SYTL2: variants seen among roughly 807,000 people sequenced by gnomAD.
SYTL2 encodes the protein synaptotagmin like 2.
A neutral mutation model predicts 198.7 loss-of-function variants in SYTL2; 165 were observed. The ratio of observed to expected loss-of-function variants is 0.83; its 90% CI spans 0.73 to 0.94. SYTL2 has a LOEUF of 0.94. Ranked by LOEUF, SYTL2 falls within the 40% of genes least tolerant of loss-of-function variation. The pLI, the probability that SYTL2 is intolerant of heterozygous loss-of-function variation, is 0.00. For missense variants in SYTL2, 2,835 were observed against 2,582.8 expected, an observed-to-expected ratio of 1.10 and a Z score of -2.12; for synonymous variants, 966 against 917.7, an observed-to-expected ratio of 1.05 and a Z score of -0.95.
chr11:85,696,187 T>C lies in SYTL2; in HGVS notation c.6570A>G (p.Gly2190=). 1 of 1,614,040 alleles carries C rather than the reference T, an allele frequency of 6.2e-7. No individual in the cohort carries two copies. The highest frequency in any genetic ancestry group is 1.1e-5 in the South Asian group (1 of 91,080). Residue 2190 remains glycine (G), a synonymous_variant, in exon 19 of 20, where the codon GGA becomes GGG. Coordinates refer to ENST00000359152, the MANE Select transcript of SYTL2 (RefSeq NM_206927.4). ...TAAAAATGTAGCAAACAGTACCTGT[T>C]CCAAAGCCAATACGAAGACCTCCCA... ...QFLGGLRIGF[G]TGKSYGTEVD...
chr11:85,759,075 T>A (rs1255186969), intron 1 of SYTL2, among the ~76,000 whole-genome samples: 3 of 151,594 alleles, frequency 2.0e-5, no homozygotes, highest in African/African-American at 7.3e-5. Flanking sequence ...TGAAACCCCG[T>A]CTCTACTAAA....
intron 14 of SYTL2, among the ~76,000 whole-genome samples, chr11:85,708,800 G>T (rs2085679710): frequency 7.0e-6 from 1 of 142,728 alleles, no homozygotes; most frequent in African/African-American, 2.6e-5. Flanking sequence ...GACCCCAAAG[G>T]TTCTTTCCAA....
chr11:85,782,135 T>A (rs1282176938), intron 1 of SYTL2, among the ~76,000 whole-genome samples: 1 of 152,176 alleles, frequency 6.6e-6, no homozygotes, highest in Admixed American at 6.5e-5. Flanking sequence ...TTTCCACACA[T>A]CCTCTGAAAT....
At chr11:85,833,034 A>G in the SYTL2 span, among the ~76,000 whole-genome samples, 17 of 19,990 alleles carry the variant, frequency 8.5e-4, 2 homozygotes, top group Non-Finnish European at 1.3e-3. Context: ...AAAGAAAGAA[A>G]GAAAGAAAGA....
rs184140218 is a variant in SYTL2, at chr11:85,764,778, A to C, written c.-389-6664T>G. On this transcript the variant is annotated intron_variant, in intron 1 of 19. Coordinates refer to ENST00000359152, the MANE Select transcript of SYTL2 (RefSeq NM_206927.4). ...GGAAAAGAGGATATGCATGAGATAG[A>C]GGGGAAAAAAGGCATCTGTGTCAAC... Among the ~76,000 whole-genome samples the C allele has an allele frequency of 3.3e-3, 496 of 152,330 alleles. 5 individuals are homozygous for C. The highest frequency in any genetic ancestry group is 0.01 in the Middle Eastern group (3 of 294).
intron 1 of SYTL2, among the ~76,000 whole-genome samples, chr11:85,762,227 C>G (rs1032649700): frequency 6.6e-6 from 1 of 152,202 alleles, no homozygotes; most frequent in African/African-American, 2.4e-5. Flanking sequence ...CGGGGGCAAC[C>G]TCAGTGCTAA....
At chr11:85,827,912 T>G in the SYTL2 span, among the ~76,000 whole-genome samples, 9 of 152,344 alleles carry the variant, frequency 5.9e-5, no homozygotes, top group South Asian at 4.1e-4. Flanking sequence ...AAAAAGTTGC[T>G]AGGCAACCTC....
chr11:85,753,760 CT>C (rs59239775), intron 2 of SYTL2, among the ~76,000 whole-genome samples: 8,099 of 115,904 alleles, frequency 0.07, 774 homozygotes, highest in African/African-American at 0.18. Context: ...GAGAAACTCT[CT>C]TTTTTAAAAA....
chr11:85,728,521 A>G (rs1565936675), intron 7 of SYTL2, among the ~76,000 whole-genome samples: 1 of 152,040 alleles, frequency 6.6e-6, no homozygotes, highest in African/African-American at 2.4e-5. Flanking sequence ...TCCTGACCTC[A>G]TGATCCACTC....
intron 1 of SYTL2, among the ~76,000 whole-genome samples, chr11:85,804,695 G>C (rs2092934640): frequency 6.6e-6 from 1 of 152,122 alleles, no homozygotes; most frequent in Non-Finnish European, 1.5e-5. Context: ...GAAGCAATTA[G>C]ACGTGATATA....
At chr11:85,774,626 T>C (rs1381012957) in intron 1 of SYTL2, among the ~76,000 whole-genome samples, 1 of 152,196 alleles carries the variant, frequency 6.6e-6, no homozygotes, top group African/African-American at 2.4e-5. Context: ...ATTTTTTACG[T>C]GATCCCAATT....
intron 11 of SYTL2, chr11:85,716,320 G>C (rs1202106827): frequency 6.6e-6 from 1 of 152,190 alleles, no homozygotes; most frequent in Non-Finnish European, 1.5e-5. Flanking sequence ...TTCATCTGCA[G>C]TAGTCAGACA....
chr11:85,842,372 C>A, the SYTL2 span, among the ~76,000 whole-genome samples: 3 of 152,218 alleles, frequency 2.0e-5, no homozygotes, highest in Admixed American at 2.0e-4. Context: ...TCAGGACCAT[C>A]CTCAACTGAT....
the SYTL2 span, among the ~76,000 whole-genome samples, chr11:85,852,189 T>C: frequency 2.6e-5 from 4 of 152,228 alleles, no homozygotes; most frequent in Non-Finnish European, 4.4e-5. Flanking sequence ...AATCCATTTT[T>C]TAAAAAACAA....
chr11:85,734,094 G>T lies in SYTL2; in HGVS notation c.1235C>A (p.Thr412Asn), dbSNP rs1490422806. ...VSKSETHQPM[T>N]SGSFPINGLH... is the part of the protein sequence containing the mutation. The stretch of plus-strand genomic sequence containing the variant: ...CCCATTAATTGGAAAAGAACCAGAA[G>T]TCATTGGCTGATGTGTTTCACTTTT... Residue 412 changes from threonine (T) to asparagine (N), a missense_variant, in exon 7 of 20, where the codon ACT becomes AAT. Physicochemically the swap from Thr to Asn is moderately conservative, Grantham distance 65 (BLOSUM62 0). This residue lies in a region of SYTL2 where 2,645 missense variants were observed against 2,381.7 expected (regional missense o/e 1.11). Coordinates refer to ENST00000359152, the MANE Select transcript of SYTL2 (RefSeq NM_206927.4). 6.2e-7 allele frequency: 1 copy of T among 1,614,178 alleles called. No homozygotes were observed. Among genetic ancestry groups the T allele is most frequent in the Non-Finnish European group, 8.5e-7 (1 of 1,180,022 alleles).
chr11:85,757,664 C>T lies in SYTL2; in HGVS notation c.62G>A (p.Arg21Gln), dbSNP rs750890771. The T allele has an allele frequency of 1.7e-5, 28 of 1,613,832 alleles. No individual in the cohort carries two copies. Among genetic ancestry groups the T allele is most frequent in the South Asian group, 8.8e-5 (8 of 91,086 alleles). ...EQEAIMKVLQ[R>Q]DAALKRAEEE... is the part of the protein sequence containing the mutation. ...TTCGGCCCTCTTCAGAGCAGCATCC[C>T]GCTGCAAAACCTTCATGATGGCCTC... The change falls in exon 2 of 20, where the codon CGG (arginine) becomes CAG (glutamine). Residue 21 changes from arginine (R) to glutamine (Q), a missense_variant. Transcript: ENST00000359152.
chr11:85,790,081 C>T (rs1201738221), intron 1 of SYTL2, among the ~76,000 whole-genome samples: 2 of 151,986 alleles, frequency 1.3e-5, no homozygotes, highest in South Asian at 4.2e-4. Context: ...TCATATACAC[C>T]TTATACACAC....
At chr11:85,755,601 A>G (rs1243513770) in intron 2 of SYTL2, among the ~76,000 whole-genome samples, 1 of 152,188 alleles carries the variant, frequency 6.6e-6, no homozygotes, top group Non-Finnish European at 1.5e-5. Flanking sequence ...CAGAGGGTAC[A>G]CACTCACACC....
At chr11:85,813,675 G>A (rs2093057878), upstream of SYTL2, among the ~76,000 whole-genome samples, 1 of 152,050 alleles carries the variant, frequency 6.6e-6, no homozygotes, top group Non-Finnish European at 1.5e-5. Context: ...TTCTCTGGGT[G>A]ACTTTAGACA....
Sources: allele counts gnomAD v4.1 joint callset (sites outside exome capture counted in the v4.1 genomes callset), GRCh38; gene constraint gnomAD v4.1.1; regional missense constraint gnomAD v4.1.1; transcripts MANE v1.5; gene names NCBI Gene and HGNC (gene_info 2026-07-23, HGNC 2026-07-21).